The following NUDT5 variants were observed in gnomAD, a reference collection of about 807,000 sequenced individuals.
NUDT5 encodes the protein nudix hydrolase 5, also known as ADP-sugar pyrophosphatase.
A neutral mutation model predicts 34.1 loss-of-function variants in NUDT5; 21 were observed. That is an observed-to-expected ratio of 0.62 (90% CI 0.44 to 0.89). The LOEUF (loss-of-function observed/expected upper bound fraction) is 0.89, where lower values mean the gene tolerates loss of function less well. Ranked by LOEUF, NUDT5 falls within the 40% of genes least tolerant of loss-of-function variation. NUDT5 has a pLI of 0.00. For synonymous variants in NUDT5, 85 were observed against 97.6 expected (o/e 0.87, Z 0.76); for missense variants, 249 against 274.8 (o/e 0.91, Z 0.66).
intron 3 of NUDT5, 107 bp downstream of exon 3, chr10:12,184,782 A>T: frequency 1.4e-6 from 1 of 719,892 alleles, no homozygotes; most frequent in Non-Finnish European, 2.3e-6. Context: ...CAGATTATTT[A>T]AAACAGAGTT....
At position 12,169,238 on chromosome 10, in the gene NUDT5, T is replaced by G. The variant is rs772179343; in HGVS notation, c.551-1427A>C. On this transcript the variant is annotated intron_variant, in intron 9 of 9. Coordinates refer to ENST00000491614, the MANE Select transcript of NUDT5 (RefSeq NM_014142.4). The surrounding 1 kb of genome is among the most constrained non-coding windows in gnomAD (Gnocchi z 4.8). ...CTCCACCTCCCCTCACTTATTCTAT[T>G]TTTTTCTCCCTTTTCTAAGACCAAA... 1 of 1,525,290 alleles carries G rather than the reference T, an allele frequency of 6.6e-7. No homozygotes were observed. Among genetic ancestry groups the G allele is most frequent in the South Asian group, 1.2e-5 (1 of 82,802 alleles). 94.5% of individuals were successfully genotyped at this position (1,525,290 alleles called of 1,614,324 possible).
chr10:12,179,199 G>A (rs1464871712), intron 3 of NUDT5, 67 bp from the exon 4 acceptor site: 1 of 1,352,960 alleles, frequency 7.4e-7, no homozygotes, highest in Non-Finnish European at 1.1e-6. Flanking sequence ...GGTTTTCTCT[G>A]TACAACCAGA....
At chr10:12,191,479 C>A (rs1835230572) in intron 1 of NUDT5, among the ~76,000 whole-genome samples, 1 of 152,176 alleles carries the variant, frequency 6.6e-6, no homozygotes, top group African/African-American at 2.4e-5. Flanking sequence ...GATTTGCGAA[C>A]ACATTTCTAA....
rs897932055 is a variant in NUDT5 at position 12,169,511 on chromosome 10, C to T, written c.550+1206G>A. 42 of 530,476 alleles carry T rather than the reference C, an allele frequency of 7.9e-5. No homozygotes were observed. Among genetic ancestry groups the T allele is most frequent in the Admixed American group, 1.4e-4 (4 of 29,010 alleles). 32.9% of individuals were successfully genotyped at this position (530,476 alleles called of 1,614,324 possible). A position where few individuals can be genotyped will look rare whatever the true frequency, so the allele number is the denominator to read the frequency against. On this transcript the variant is annotated intron_variant, in intron 9 of 9. Transcript: ENST00000491614. This position sits in a 1 kb window ranked among gnomAD's most constrained non-coding sequence, Gnocchi z 4.8. ...TCAAACCGAGTCGGGCCTGTGACTCCGAGCTGCGCTGCCTCGTATTGATTG... is the reference window on the plus strand; with the variant it reads ...TCAAACCGAGTCGGGCCTGTGACTCTGAGCTGCGCTGCCTCGTATTGATTG...
At chr10:12,184,471 A>G in intron 3 of NUDT5, 1 of 1,547,802 alleles carries the variant, frequency 6.5e-7, no homozygotes, top group Non-Finnish European at 8.7e-7. Flanking sequence ...CCCAATTTGC[A>G]TTTCCATGAG....
rs1157357082 is a variant in NUDT5 at position 12,169,330 on chromosome 10, G to T, written c.550+1387C>A. On this transcript the variant is annotated intron_variant, in intron 9 of 9. Transcript: ENST00000491614. This position sits in a 1 kb window ranked among gnomAD's most constrained non-coding sequence, Gnocchi z 4.8. ...CAAAAAGGATACTCTTCTACTAAAA[G>T]ATAACCCCGCACGGCATTTCACACT... The T allele has an allele frequency of 6.5e-7, 1 of 1,549,748 alleles. No individual in the cohort carries two copies. Among genetic ancestry groups the T allele is most frequent in the Admixed American group, 2.0e-5 (1 of 50,962 alleles).
intron 5 of NUDT5, among the ~76,000 whole-genome samples, chr10:12,176,980 C>G (rs191183892): frequency 6.6e-6 from 1 of 151,604 alleles, no homozygotes; most frequent in African/African-American, 2.4e-5. Context: ...ATATTAGCCA[C>G]GTGTGGTGAC....
rs934520130 is a variant in NUDT5 at position 12,173,332 on chromosome 10, C to G, written c.385+386G>C. ...GGTTCAATTCTCCTGCCTCAGCCTCCCGAGTAGCTGGGATCACAGGTGTGC... is the reference window on the plus strand; with the variant it reads ...GGTTCAATTCTCCTGCCTCAGCCTCGCGAGTAGCTGGGATCACAGGTGTGC... On this transcript the variant is annotated intron_variant, in intron 6 of 9. Transcript: ENST00000491614. The surrounding 1 kb of genome is among the most constrained non-coding windows in gnomAD (Gnocchi z 4.7). 2.0e-5 allele frequency among the ~76,000 whole-genome samples: 3 copies of G among 152,154 alleles called. No individual in the cohort carries two copies. Among genetic ancestry groups the G allele is most frequent in the Non-Finnish European group, 2.9e-5 (2 of 68,030 alleles).
intron 3 of NUDT5, chr10:12,184,638 G>T: frequency 1.1e-6 from 1 of 929,044 alleles, no homozygotes; most frequent in Non-Finnish European, 1.6e-6. Flanking sequence ...AAAGTTTTAG[G>T]TCTACACTTG....
rs573280951 is a variant in NUDT5 at position 12,187,046 on chromosome 10, T to A, written c.-41-714A>T. Among the ~76,000 whole-genome samples, 2 of 152,234 alleles carry A rather than the reference T, an allele frequency of 1.3e-5. No individual in the cohort carries two copies. The highest frequency in any genetic ancestry group is 3.9e-4 in the East Asian group (2 of 5,174). ...CTGTTACACCTAAACTTACTTATTT[T>A]TTGAGATGTAAGATCTCACTCTGTT... On this transcript the variant is annotated intron_variant, in intron 1 of 9. Coordinates refer to ENST00000491614, the MANE Select transcript of NUDT5 (RefSeq NM_014142.4). This position sits in a 1 kb window ranked among gnomAD's most constrained non-coding sequence, Gnocchi z 5.4.
intron 4 of NUDT5, among the ~76,000 whole-genome samples, chr10:12,178,281 C>T (rs1482547290): frequency 6.6e-6 from 1 of 152,176 alleles, no homozygotes; most frequent in East Asian, 1.9e-4. Flanking sequence ...CCTGGGTCAA[C>T]TTTGAGCAAG....
intron 3 of NUDT5, chr10:12,184,552 CAG>C: frequency 6.6e-6 from 10 of 1,519,788 alleles, no homozygotes; most frequent in Non-Finnish European, 8.9e-6. Context: ...AAATTAAAAA[CAG>C]ATTTTACTAG....
intron 1 of NUDT5, among the ~76,000 whole-genome samples, chr10:12,195,234 C>T (rs984868949): frequency 6.6e-6 from 1 of 152,156 alleles, no homozygotes; most frequent in Admixed American, 6.5e-5. Flanking sequence ...TGCTGGGTGA[C>T]AGGAGTGAAG....
intron 3 of NUDT5, chr10:12,184,454 T>C: frequency 1.3e-6 from 2 of 1,532,442 alleles, no homozygotes; most frequent in Non-Finnish European, 1.8e-6. Flanking sequence ...GTACAAAATG[T>C]TTTTTTCCCA....
rs1564421588 is a variant in NUDT5 at position 12,170,037 on chromosome 10, TGTCTCCATACAGTATCTCCTC to T, written c.550+659_550+679del. Reference sequence around the variant, plus strand: ...GGTGCTCCTTGAAGGGCCCATGGTATGTCTCCATACAGTATCTCCTCGTCTCCACACAGTATCTCCTCATGT... The same window carrying T: ...GGTGCTCCTTGAAGGGCCCATGGTATGTCTCCACACAGTATCTCCTCATGT... On this transcript the variant is annotated intron_variant, in intron 9 of 9. Transcript: ENST00000491614. The surrounding 1 kb of genome is among the most constrained non-coding windows in gnomAD (Gnocchi z 4.9). 6.9e-7 allele frequency: 1 copy of T among 1,439,162 alleles called. No homozygotes were observed. The highest frequency in any genetic ancestry group is 9.7e-7 in the Non-Finnish European group (1 of 1,025,662). 89.1% of individuals were successfully genotyped at this position (1,439,162 alleles called of 1,614,324 possible).
chr10:12,169,894 A>G lies in NUDT5; in HGVS notation c.550+823T>C. On this transcript the variant is annotated intron_variant, in intron 9 of 9. Transcript: ENST00000491614. The surrounding 1 kb of genome is among the most constrained non-coding windows in gnomAD (Gnocchi z 4.8). ...TCACATTTGAAGTAATCACTTAAAA[A>G]CAGTAGAAAAATCAGTTATCAATTA... 2.1e-6 allele frequency: 1 copy of G among 471,924 alleles called. No homozygotes were observed. 29.2% of individuals were successfully genotyped at this position (471,924 alleles called of 1,614,324 possible). A position where few individuals can be genotyped will look rare whatever the true frequency, so the allele number is the denominator to read the frequency against.
At chr10:12,184,234 A>C (rs1835088059) in intron 3 of NUDT5, among the ~76,000 whole-genome samples, 1 of 152,082 alleles carries the variant, frequency 6.6e-6, no homozygotes, top group African/African-American at 2.4e-5. Context: ...TTTAGCAGAG[A>C]TGGGGTTTCG....
rs1331513714 is a variant in NUDT5, at chr10:12,165,343, A to G, written c.*2359T>C. On this transcript the variant is annotated 3_prime_UTR_variant, in exon 10 of 10. Coordinates refer to ENST00000491614, the MANE Select transcript of NUDT5 (RefSeq NM_014142.4). ...GCAACATGAGTGTAAACAGTAGACA[A>G]TAAACTTTTATTTAAGAAAACTGAT... The G allele has an allele frequency of 1.0e-6, 1 of 981,830 alleles. No individual in the cohort carries two copies. Among genetic ancestry groups the G allele is most frequent in the African/African-American group, 1.7e-5 (1 of 57,156 alleles). 60.8% of individuals were successfully genotyped at this position (981,830 alleles called of 1,614,324 possible).
Position 12,173,730 on chromosome 10 carries a change from C to T in NUDT5, c.373G>A (p.Glu125Lys), listed in dbSNP as rs763726609. The T allele has an allele frequency of 1.4e-5, 22 of 1,612,848 alleles. No homozygotes were observed. Among genetic ancestry groups the T allele is most frequent in the East Asian group, 2.2e-5 (1 of 44,890 alleles). ...AAGCAATACCAACCTGGAGAACATTCGGCAATGTCCCCTTTGTAGCCAGTT... is the reference window on the plus strand; with the variant it reads ...AAGCAATACCAACCTGGAGAACATTTGGCAATGTCCCCTTTGTAGCCAGTT... ...EETGYKGDIAECSPAVCMDPG... is the reference protein window; with the variant it reads ...EETGYKGDIAKCSPAVCMDPG... Residue 125 changes from glutamate (E) to lysine (K), a missense_variant, in exon 6 of 10, where the codon GAA becomes AAA. Transcript: ENST00000491614. This position sits in a 1 kb window ranked among gnomAD's most constrained non-coding sequence, Gnocchi z 4.7.
Sources: allele counts gnomAD v4.1 joint callset (sites outside exome capture counted in the v4.1 genomes callset), GRCh38; gene constraint gnomAD v4.1.1; non-coding constraint Gnocchi (gnomAD v3.1); transcripts MANE v1.5; gene names NCBI Gene and HGNC (gene_info 2026-07-23, HGNC 2026-07-21).